CABIN1: variants seen among roughly 807,000 people sequenced by gnomAD.
CABIN1 encodes calcineurin binding protein 1, also known as calcineurin-binding protein cabin-1.
In CABIN1, 133 loss-of-function variants were observed where a neutral mutation model predicts 227.7. The observed-to-expected ratio is 0.58, with a 90% CI of 0.51 to 0.67. CABIN1 has a LOEUF of 0.67. Among genes scored for constraint, CABIN1 ranks in the 30% least tolerant of loss-of-function variants. The pLI, the probability that CABIN1 is intolerant of heterozygous loss-of-function variation, is 0.00. For synonymous variants in CABIN1, 1,086 were observed against 1,155.1 expected, an observed-to-expected ratio of 0.94 and a Z score of 1.21; for missense variants, 2,408 against 2,852.5, an observed-to-expected ratio of 0.84 and a Z score of 3.55.
intron 5 of CABIN1, among the ~76,000 whole-genome samples, 168 bp from the exon 6 acceptor site, chr22:24,042,735 GC>G (rs2084311595): frequency 6.6e-6 from 1 of 151,676 alleles, no homozygotes; most frequent in Admixed American, 6.6e-5. Context: ...TGGCACTTTT[GC>G]CATTTCCCTG....
intron 19 of CABIN1, among the ~76,000 whole-genome samples, chr22:24,078,661 C>G (rs2040598196): frequency 6.6e-6 from 1 of 152,188 alleles, no homozygotes; most frequent in Non-Finnish European, 1.5e-5. Context: ...GGCCCCTGTG[C>G]TATAGAGCCT....
chr22:24,021,435 G>A (rs2035720943), intron 1 of CABIN1, among the ~76,000 whole-genome samples: 1 of 152,050 alleles, frequency 6.6e-6, no homozygotes, highest in South Asian at 2.1e-4. Flanking sequence ...TGGGATTACA[G>A]GTGTGAGCCA....
chr22:24,068,741 A>G (rs2039874128), intron 16 of CABIN1, among the ~76,000 whole-genome samples: 2 of 152,034 alleles, frequency 1.3e-5, no homozygotes, highest in African/African-American at 4.8e-5. Flanking sequence ...AATTGCAGAG[A>G]GGTTCTGAAT....
At position 24,178,151 on chromosome 22, in the gene CABIN1, G is replaced by C. The variant is rs1185118852; in HGVS notation, c.6618G>C (p.Ser2206=). 1 of 1,613,650 alleles carries C rather than the reference G, an allele frequency of 6.2e-7. No individual in the cohort carries two copies. The highest frequency in any genetic ancestry group is 1.1e-5 in the South Asian group (1 of 91,086). ...EVLETSSQES[S]LESETDEDDD... The stretch of plus-strand genomic sequence containing the variant: ...TGGAGACATCCAGCCAGGAGTCCTC[G>C]CTGGAGAGCGAGACAGACGAGGACG... Residue 2206 remains serine, a synonymous_variant, in exon 37 of 37, where the codon TCG becomes TCC. Coordinates refer to ENST00000263119, the MANE Select transcript of CABIN1 (RefSeq NM_012295.4).
At chr22:24,165,704 C>G in intron 31 of CABIN1, 78 bp downstream of exon 31, 5 of 1,170,280 alleles carry the variant, frequency 4.3e-6, no homozygotes, top group Non-Finnish European at 6.3e-6. Flanking sequence ...GGGCCCGATC[C>G]CTCTATTTGC....
At chr22:24,013,470 T>G (rs1386278121) in intron 1 of CABIN1, among the ~76,000 whole-genome samples, 2 of 152,206 alleles carry the variant, frequency 1.3e-5, no homozygotes, top group African/African-American at 4.8e-5. Flanking sequence ...GTGCTGGGAT[T>G]ATAGGCGTGA....
At chr22:24,088,657 A>ATT (rs2041338846) in intron 23 of CABIN1, among the ~76,000 whole-genome samples, 1 of 152,094 alleles carries the variant, frequency 6.6e-6, no homozygotes, top group Non-Finnish European at 1.5e-5. Context: ...GCTTCTCTAA[A>ATT]TCAGTTGCAG....
rs1885516735 is a variant in CABIN1, at chr22:24,072,279, C to T, written c.2476-75C>T. ...CACATACCAGCTCCCCAAGAGGCCTCCTGCCTCCCTTCAGTCTGCCCTGAA... is the reference window on the plus strand; with the variant it reads ...CACATACCAGCTCCCCAAGAGGCCTTCTGCCTCCCTTCAGTCTGCCCTGAA... On this transcript the variant is annotated intron_variant, in intron 17 of 36. Coordinates refer to ENST00000263119, the MANE Select transcript of CABIN1 (RefSeq NM_012295.4). 5.1e-6 allele frequency: 8 copies of T among 1,559,412 alleles called. No individual in the cohort carries two copies. In the South Asian group the frequency reaches 7.9e-5, roughly 15 times the overall value.
chr22:24,147,511 G>A (rs909853542), intron 29 of CABIN1, among the ~76,000 whole-genome samples: 3 of 149,634 alleles, frequency 2.0e-5, no homozygotes, highest in African/African-American at 4.9e-5. Flanking sequence ...AGTGGCTTGC[G>A]TGATCACAGC....
Position 24,167,088 on chromosome 22 carries a change from C to A in CABIN1, c.5457C>A (p.Ala1819=), listed in dbSNP as rs1054741216. 1 of 1,544,098 alleles carries A rather than the reference C, an allele frequency of 6.5e-7. No homozygotes were observed. Among genetic ancestry groups the A allele is most frequent in the Non-Finnish European group, 8.7e-7 (1 of 1,144,600 alleles). The change falls in exon 32 of 37, where the codon GCC becomes GCA. Residue 1819 remains alanine, a synonymous_variant. Transcript: ENST00000263119. Reference sequence around the variant, plus strand: ...CCCCGCTCACCCCAGCCCAGCCAGCCCCCGCCCCCGCCCCCGCCACCACCA... The same window carrying A: ...CCCCGCTCACCCCAGCCCAGCCAGCACCCGCCCCCGCCCCCGCCACCACCA... ...QPTPLTPAQP[A]PAPAPATTTG... is the part of the protein sequence containing the mutation.
chr22:24,161,855 G>T lies in CABIN1; in HGVS notation c.4747-2545G>T, dbSNP rs557095382. Among the ~76,000 whole-genome samples, 23 of 152,236 alleles carry T rather than the reference G, an allele frequency of 1.5e-4. No individual in the cohort carries two copies. The South Asian group carries it at 4.6e-3, about 30-fold the overall frequency. On this transcript the variant is annotated intron_variant, in intron 29 of 36. Coordinates refer to ENST00000263119, the MANE Select transcript of CABIN1 (RefSeq NM_012295.4). ...GTGAGGAAAACCAGGTGAAGCAGGG[G>T]CTGTCCCTTGTACCTGTCCCACTCC...
intron 6 of CABIN1, among the ~76,000 whole-genome samples, chr22:24,047,892 C>A (rs1351839093): frequency 6.6e-6 from 1 of 152,224 alleles, no homozygotes; most frequent in African/African-American, 2.4e-5. Context: ...GAGCTGGCAC[C>A]CTGCTGCAGT....
At chr22:24,103,215 C>T (rs2042315409) in intron 26 of CABIN1, 1 of 152,128 alleles carries the variant, frequency 6.6e-6, no homozygotes, top group African/African-American at 2.4e-5. Context: ...GGCCTATCCT[C>T]CCAGTTCTGG....
intron 26 of CABIN1, among the ~76,000 whole-genome samples, chr22:24,099,118 TCAGTCCCAGTA>T (rs1655719641): frequency 6.6e-6 from 1 of 152,126 alleles, no homozygotes; most frequent in South Asian, 2.1e-4. Context: ...GCCTTGAAGT[TCAGTCCCAGTA>T]CAGGTCTGGG....
chr22:24,097,849 G>A (rs1029858619), intron 25 of CABIN1, among the ~76,000 whole-genome samples, 165 bp from the exon 26 acceptor site: 1 of 152,240 alleles, frequency 6.6e-6, no homozygotes, highest in African/African-American at 2.4e-5. Context: ...TGTGGGTGCT[G>A]TAGGGGCAAC....
intron 29 of CABIN1, among the ~76,000 whole-genome samples, chr22:24,155,112 T>C (rs990042409): frequency 2.6e-5 from 4 of 152,142 alleles, no homozygotes; most frequent in Admixed American, 2.6e-4. Context: ...TTCCTTGGCC[T>C]CCCCTCAGCT....
intron 33 of CABIN1, among the ~76,000 whole-genome samples, chr22:24,170,761 C>CCG (rs1763570476): frequency 1.3e-5 from 2 of 149,388 alleles, no homozygotes; most frequent in South Asian, 2.2e-4. Flanking sequence ...TGCCCCCCCC[C>CCG]CCGCCCCCAT....
intron 3 of CABIN1, among the ~76,000 whole-genome samples, chr22:24,036,533 G>T (rs1318901802): frequency 6.6e-6 from 1 of 152,070 alleles, no homozygotes. Context: ...TCACTTTACA[G>T]TGTGATGAGA....
chr22:24,108,024 C>T (rs176157), intron 26 of CABIN1, among the ~76,000 whole-genome samples: 12,080 of 152,276 alleles, frequency 0.079, 539 homozygotes, highest in South Asian at 0.11. Flanking sequence ...TCTAAGCCAT[C>T]GGTGTTCTCA....
Sources: gnomAD v4.1 joint callset for allele counts (sites outside exome capture counted in the v4.1 genomes callset) on GRCh38, gnomAD v4.1.1 for gene constraint, MANE v1.5 for transcripts, NCBI Gene and HGNC (gene_info 2026-07-23, HGNC 2026-07-21) for gene names.